ELF1: variants seen among roughly 807,000 people sequenced by gnomAD.
ELF1 encodes the protein ETS-related transcription factor Elf-1.
ELF1 carries 24 observed loss-of-function variants against 59.9 expected under a neutral mutation model. That is an observed-to-expected ratio of 0.40 (90% confidence interval 0.29 to 0.56). The LOEUF (loss-of-function observed/expected upper bound fraction) is 0.56. ELF1 is among the 20% of genes least tolerant of loss of function. The pLI, the probability that ELF1 is intolerant of heterozygous loss-of-function variation, is 0.44. For missense variants in ELF1, 627 were observed against 742.2 expected, an observed-to-expected ratio of 0.84 and a Z score of 1.80; for synonymous variants, 248 against 266.2, an observed-to-expected ratio of 0.93 and a Z score of 0.67.
intron 1 of ELF1, among the ~76,000 whole-genome samples, chr13:41,017,474 T>G (rs1329331255): frequency 6.6e-6 from 1 of 152,106 alleles, no homozygotes; most frequent in Non-Finnish European, 1.5e-5. Context: ...ATTCTAAATT[T>G]AATTCTGATG....
intron 1 of ELF1, among the ~76,000 whole-genome samples, chr13:41,016,499 A>G (rs1219463059): frequency 6.6e-6 from 1 of 152,212 alleles, no homozygotes; most frequent in African/African-American, 2.4e-5. Flanking sequence ...CAAATTTAAG[A>G]TAAGTGTAAT....
intron 1 of ELF1, among the ~76,000 whole-genome samples, chr13:40,987,759 C>T (rs780357275): frequency 2.2e-4 from 33 of 152,026 alleles, no homozygotes; most frequent in Non-Finnish European, 3.8e-4. Context: ...TGTTTATGTA[C>T]ATATGGCATG....
chr13:40,957,482 G>T (rs1185397882), intron 3 of ELF1, among the ~76,000 whole-genome samples: 1 of 147,462 alleles, frequency 6.8e-6, no homozygotes, highest in African/African-American at 2.5e-5. Flanking sequence ...ATGTGTGTTT[G>T]TTGAGAAAAA....
At chr13:40,979,708 T>C (rs1005619027) in intron 2 of ELF1, among the ~76,000 whole-genome samples, 13 of 152,198 alleles carry the variant, frequency 8.5e-5, no homozygotes, top group African/African-American at 2.4e-4. Flanking sequence ...CATAACTTCA[T>C]TTGTGTCTTA....
chr13:40,984,294 T>C (rs1370539934), intron 1 of ELF1, among the ~76,000 whole-genome samples: 1 of 152,226 alleles, frequency 6.6e-6, no homozygotes, highest in Non-Finnish European at 1.5e-5. Flanking sequence ...CCAGGCATGG[T>C]GGCTTACACC....
chr13:40,956,600 T>C (rs1431679991), intron 3 of ELF1, among the ~76,000 whole-genome samples: 2 of 146,656 alleles, frequency 1.4e-5, no homozygotes, highest in Non-Finnish European at 3.0e-5. Context: ...AAAAAGAAAG[T>C]TGGAAAGGCT....
intron 1 of ELF1, among the ~76,000 whole-genome samples, chr13:41,030,860 T>A (rs1476434118): frequency 1.3e-5 from 2 of 151,734 alleles, no homozygotes; most frequent in Non-Finnish European, 2.9e-5. Context: ...GACGAGACTG[T>A]TTAAGAAAAG....
At chr13:41,047,318 C>T (rs1220873860) in intron 1 of ELF1, among the ~76,000 whole-genome samples, 2 of 152,202 alleles carry the variant, frequency 1.3e-5, no homozygotes, top group Non-Finnish European at 2.9e-5. Context: ...CCGTTGCTGG[C>T]GAGGAGCTGC....
At chr13:41,048,061 T>C (rs1715257497) in intron 1 of ELF1, among the ~76,000 whole-genome samples, 1 of 152,236 alleles carries the variant, frequency 6.6e-6, no homozygotes. Context: ...TCTGTGGGCA[T>C]GAGGCCCTCC....
intron 1 of ELF1, among the ~76,000 whole-genome samples, chr13:41,033,443 T>G (rs1876251248): frequency 6.6e-6 from 1 of 152,190 alleles, no homozygotes; most frequent in South Asian, 2.1e-4. Flanking sequence ...CATCCATACT[T>G]AGCAATAAAA....
intron 1 of ELF1, among the ~76,000 whole-genome samples, chr13:41,005,346 A>G (rs1566186932): frequency 6.6e-6 from 1 of 151,886 alleles, no homozygotes; most frequent in Non-Finnish European, 1.5e-5. Flanking sequence ...CCAAGTGTCT[A>G]AACAACAGAA....
In ELF1 at chr13:41,049,811, C is replaced by T. The variant is rs180755219; in HGVS notation, c.-229+11027G>A. 3.0e-3 allele frequency among the ~76,000 whole-genome samples: 461 copies of T among 152,338 alleles called. 2 individuals are homozygous for T. The highest frequency in any genetic ancestry group is 0.011 in the African/African-American group (444 of 41,570). On this transcript the variant is annotated intron_variant, in intron 1 of 1. Coordinates refer to the ELF1 transcript ENST00000405737. ...TGCCATGCGTGTACACTTAAGCACACTTTTTACTTGTTCAATCCATGTCCG... is the reference window on the plus strand; with the variant it reads ...TGCCATGCGTGTACACTTAAGCACATTTTTTACTTGTTCAATCCATGTCCG...
chr13:41,035,997 C>T (rs1876365463), intron 1 of ELF1, among the ~76,000 whole-genome samples: 1 of 151,698 alleles, frequency 6.6e-6, no homozygotes, highest in African/African-American at 2.4e-5. Flanking sequence ...CTCCACTTTC[C>T]GGGTTCACGC....
In ELF1 at chr13:40,982,301, G is replaced by C; in HGVS notation, c.-228-19C>G. ...TCTTGGCCTAAAAAACAAAAGCTCA[G>C]ATTAGTTATGAAAAAGCAATCACCC... On this transcript the variant is annotated intron_variant, in intron 1 of 8. Coordinates refer to ENST00000239882, the MANE Select transcript of ELF1 (RefSeq NM_172373.4). 8.2e-7 allele frequency: 1 copy of C among 1,221,632 alleles called. No homozygotes were observed. 75.7% of individuals were successfully genotyped at this position (1,221,632 alleles called of 1,614,324 possible). A position where few individuals can be genotyped will look rare whatever the true frequency, so the allele number is the denominator to read the frequency against.
At chr13:40,974,664 T>C (rs751932447) in intron 2 of ELF1, among the ~76,000 whole-genome samples, 20 of 152,178 alleles carry the variant, frequency 1.3e-4, no homozygotes, top group Non-Finnish European at 2.8e-4. Flanking sequence ...GATCTCATCT[T>C]ATTCATTTTC....
chr13:40,935,543 G>A (rs985828089), intron 8 of ELF1, among the ~76,000 whole-genome samples: 2 of 152,196 alleles, frequency 1.3e-5, no homozygotes, highest in African/African-American at 4.8e-5. Context: ...GATGACTAGA[G>A]CCCGCCCATT....
intron 1 of ELF1, among the ~76,000 whole-genome samples, chr13:41,026,310 CACA>C (rs1186649741): frequency 2.0e-5 from 3 of 152,160 alleles, no homozygotes; most frequent in African/African-American, 4.8e-5. Context: ...AAGAAAAAGG[CACA>C]ACACTTAACT....
At chr13:41,008,028 T>C (rs1874851784) in intron 1 of ELF1, among the ~76,000 whole-genome samples, 1 of 152,192 alleles carries the variant, frequency 6.6e-6, no homozygotes, top group Non-Finnish European at 1.5e-5. Flanking sequence ...GGCACTCACA[T>C]TTTAAAAAGG....
intron 1 of ELF1, among the ~76,000 whole-genome samples, chr13:41,012,623 T>C (rs1388894347): frequency 1.3e-5 from 2 of 151,222 alleles, no homozygotes; most frequent in Non-Finnish European, 2.9e-5. Flanking sequence ...TATTTCACTG[T>C]AGCATTAACT....
Sources: gnomAD v4.1 joint callset for allele counts (sites outside exome capture counted in the v4.1 genomes callset) on GRCh38, gnomAD v4.1.1 for gene constraint, MANE v1.5 for transcripts, NCBI Gene and HGNC (gene_info 2026-07-23, HGNC 2026-07-21) for gene names.